The following SLC30A3 variants were observed in gnomAD, a reference collection of about 807,000 sequenced individuals.
The protein encoded by SLC30A3 is probable proton-coupled zinc antiporter SLC30A3.
In SLC30A3, 20 loss-of-function variants were observed where a neutral mutation model predicts 35.6. The ratio of observed to expected loss-of-function variants is 0.56; its 90% CI spans 0.39 to 0.82. SLC30A3 has a LOEUF of 0.82. Among genes scored for constraint, SLC30A3 ranks in the 40% least tolerant of loss-of-function variants. SLC30A3 has a pLI of 0.00. For synonymous variants in SLC30A3, 217 were observed against 224.7 expected, an observed-to-expected ratio of 0.97 and a Z score of 0.31; for missense variants, 401 against 530.6, an observed-to-expected ratio of 0.76 and a Z score of 2.40.
At chr2:27,275,094 G>A in intron 1 of SLC30A3, 1 of 920,658 alleles carries the variant, frequency 1.1e-6, no homozygotes. Flanking sequence ...GGAAGAGAAG[G>A]AGGGACCAAG....
Position 27,273,589 on chromosome 2 carries a change from T to G in SLC30A3, c.-159+1588A>C, listed in dbSNP as rs1324043550. Reference sequence around the variant, plus strand: ...AAAAATTATCAGCTTCAGCTTCTTTTTAAGTGAGTGACCTCTAAACTCATC... The same window carrying G: ...AAAAATTATCAGCTTCAGCTTCTTTGTAAGTGAGTGACCTCTAAACTCATC... On this transcript the variant is annotated intron_variant, in intron 1 of 5. Transcript: ENST00000424577. Among the ~76,000 whole-genome samples the G allele has an allele frequency of 2.0e-5, 3 of 150,898 alleles. 1 individual carries two copies. The highest frequency in any genetic ancestry group is 2.0e-4 in the Admixed American group (3 of 15,142).
chr2:27,262,752 A>G lies in SLC30A3; in HGVS notation c.95+60T>C. Reference sequence around the variant, plus strand: ...GGCCCGCGCCGAGAGAGACAACGAAATGGACGGAGGGTAGTAGGGTGGCGC... The same window carrying G: ...GGCCCGCGCCGAGAGAGACAACGAAGTGGACGGAGGGTAGTAGGGTGGCGC... On this transcript the variant is annotated intron_variant, in intron 1 of 7. Transcript: ENST00000233535. This position sits in a 1 kb window ranked among gnomAD's most constrained non-coding sequence, Gnocchi z 7.5. 1.4e-6 allele frequency: 2 copies of G among 1,428,066 alleles called. No individual in the cohort carries two copies. The highest frequency in any genetic ancestry group is 1.8e-6 in the Non-Finnish European group (2 of 1,088,580). The allele number at this position is 1,428,066 out of a possible 1,614,324, so 88.5% of individuals were successfully genotyped here.
rs750239704 is a variant in SLC30A3 at position 27,255,178 on chromosome 2, A to G, written c.*134T>C. 3.1e-6 allele frequency: 5 copies of G among 1,592,912 alleles called. 1 individual carries two copies. The South Asian group carries it at 5.6e-5, about 18-fold the overall frequency. On this transcript the variant is annotated 3_prime_UTR_variant, in exon 8 of 8. Transcript: ENST00000233535. The surrounding 1 kb of genome is among the most constrained non-coding windows in gnomAD (Gnocchi z 5.2). The stretch of plus-strand genomic sequence containing the variant: ...TGGGGCTGGGGCTGAGGCTGGGGAA[A>G]CTGGCAGGTGGTAGGAGGGAGAGAG...
rs138075294 is a variant in SLC30A3, at chr2:27,255,359, G to A, written c.1120C>T (p.Pro374Ser). 238 of 1,614,208 alleles carry A rather than the reference G, an allele frequency of 1.5e-4. No individual in the cohort carries two copies. The highest frequency in any genetic ancestry group is 8.6e-4 in the South Asian group (78 of 91,084). The change falls in exon 8 of 8, where the codon CCG (proline) becomes TCG (serine). Residue 374 changes from proline (P) to serine (S), a missense_variant. Pro to Ser is a moderately conservative substitution (Grantham distance 74, BLOSUM62 -1). Coordinates refer to ENST00000233535, the MANE Select transcript of SLC30A3 (RefSeq NM_003459.5). The surrounding 1 kb of genome is among the most constrained non-coding windows in gnomAD (Gnocchi z 5.2). ...SCTLQVEQYQPEMAQCLRCQE... is the reference protein window; with the variant it reads ...SCTLQVEQYQSEMAQCLRCQE... ...CAGCGCAGGCACTGGGCCATCTCCG[G>A]CTGATACTGCTCGACCTGCAGGGTG...
rs921666326 is a variant in SLC30A3 at position 27,253,876 on chromosome 2, A to C, written c.*1436T>G. On this transcript the variant is annotated 3_prime_UTR_variant, in exon 8 of 8. Coordinates refer to ENST00000233535, the MANE Select transcript of SLC30A3 (RefSeq NM_003459.5). Reference sequence around the variant, plus strand: ...AGACAGGGGTTTCCCTAGGTTGCCCAGGCTGGTCTTGAACTCCTGGGCTCA... The same window carrying C: ...AGACAGGGGTTTCCCTAGGTTGCCCCGGCTGGTCTTGAACTCCTGGGCTCA... The C allele has an allele frequency of 1.3e-5, 2 of 152,128 alleles. No individual in the cohort carries two copies. Among genetic ancestry groups the C allele is most frequent in the African/African-American group, 4.8e-5 (2 of 41,382 alleles). The allele number at this position is 152,128 out of a possible 1,614,324, so 9.4% of individuals were successfully genotyped here.
At position 27,256,802 on chromosome 2, in the gene SLC30A3, C is replaced by G. The variant is rs140355561; in HGVS notation, c.869G>C (p.Arg290Pro). The G allele has an allele frequency of 1.0e-5, 16 of 1,602,626 alleles. No individual in the cohort carries two copies. The highest frequency in any genetic ancestry group is 2.7e-5 in the African/African-American group (2 of 73,814). Residue 290 changes from arginine to proline, a missense_variant, in exon 6 of 8, where the codon CGA (arginine) becomes CCA (proline). Physicochemically the swap from Arg to Pro is moderately radical, Grantham distance 103. Transcript: ENST00000233535. ...STAPTLRDVLRILMEGTPRNV... is the reference protein window; with the variant it reads ...STAPTLRDVLPILMEGTPRNV... ...GCCCGACTCACCTTCCATGAGGATT[C>G]GAAGAACGTCTCGGAGGGTGGGAGC...
At chr2:27,273,742 T>A (rs1284916154) in intron 1 of SLC30A3, among the ~76,000 whole-genome samples, 2 of 151,678 alleles carry the variant, frequency 1.3e-5, no homozygotes, top group Non-Finnish European at 2.9e-5. Context: ...GATGGACTCC[T>A]TAGTTCGTTT....
intron 1 of SLC30A3, among the ~76,000 whole-genome samples, chr2:27,274,693 GAA>G (rs140601607): frequency 1.4e-5 from 2 of 146,986 alleles, no homozygotes; most frequent in African/African-American, 5.0e-5. Context: ...AAAGAAAAAA[GAA>G]AAAAAAAATC....
intron 1 of SLC30A3, chr2:27,259,178 G>A (rs933888593): frequency 4.8e-6 from 2 of 418,316 alleles, no homozygotes; most frequent in African/African-American, 4.1e-5. Flanking sequence ...GCACCTTACA[G>A]ACGGTCTAGT....
chr2:27,268,626 G>A (rs1256185936), intron 1 of SLC30A3, among the ~76,000 whole-genome samples: 2 of 152,158 alleles, frequency 1.3e-5, no homozygotes, highest in East Asian at 1.9e-4. Context: ...GGTGGCGGGC[G>A]CCTGTGGTCC....
At chr2:27,265,377 C>T (rs1677457535), upstream of SLC30A3, among the ~76,000 whole-genome samples, 1 of 152,250 alleles carries the variant, frequency 6.6e-6, no homozygotes, top group Admixed American at 6.5e-5. This position sits in a 1 kb window ranked among gnomAD's most constrained non-coding sequence, Gnocchi z 5.9. Flanking sequence ...GGCGGCGAAA[C>T]AGGATGCTTC....
intron 1 of SLC30A3, among the ~76,000 whole-genome samples, chr2:27,268,722 C>CA (rs760800564): frequency 0.014 from 1,379 of 99,734 alleles, 15 homozygotes; most frequent in African/African-American, 0.037. Flanking sequence ...GACTCTGTCT[C>CA]AAAAAAAAAA....
In SLC30A3 at chr2:27,271,546, G is replaced by A. The variant is rs529163417; in HGVS notation, c.-159+3631C>T. ...AATGGCACAGGTTTTTATAGAAGAG[G>A]AAAAATAGACTCAGAGATGAAATGA... On this transcript the variant is annotated intron_variant, in intron 1 of 5. Transcript: ENST00000424577. The surrounding 1 kb of genome is among the most constrained non-coding windows in gnomAD (Gnocchi z 4.3). Among the ~76,000 whole-genome samples, 7 of 152,306 alleles carry A rather than the reference G, an allele frequency of 4.6e-5. No individual in the cohort carries two copies. The East Asian group carries it at 1.2e-3, about 25-fold the overall frequency.
At position 27,255,527 on chromosome 2, in the gene SLC30A3, G is replaced by A. The variant is rs1676800322; in HGVS notation, c.1019-67C>T. 2 of 1,564,028 alleles carry A rather than the reference G, an allele frequency of 1.3e-6. No homozygotes were observed. The highest frequency in any genetic ancestry group is 1.3e-5 in the African/African-American group (1 of 74,330). On this transcript the variant is annotated intron_variant, in intron 7 of 7. Transcript: ENST00000233535. The surrounding 1 kb of genome is among the most constrained non-coding windows in gnomAD (Gnocchi z 5.2). ...AAAGAACAGGCAGGGACTGAGATAA[G>A]GACAGGGAAAGGGGCTGCACAGCAT...
intron 1 of SLC30A3, among the ~76,000 whole-genome samples, chr2:27,272,718 G>A (rs541420814): frequency 1.4e-3 from 205 of 151,596 alleles, no homozygotes; most frequent in South Asian, 2.7e-3. Flanking sequence ...GAGCCACTGC[G>A]CCTGGCCAAC....
intron 1 of SLC30A3, among the ~76,000 whole-genome samples, chr2:27,261,119 T>A (rs1558561865): frequency 6.6e-6 from 1 of 152,164 alleles, no homozygotes; most frequent in Non-Finnish European, 1.5e-5. Context: ...GAGAAGGGTG[T>A]TCCAGACATG....
chr2:27,275,392 C>A (rs867840608), upstream of SLC30A3: 2 of 402,450 alleles, frequency 5.0e-6, no homozygotes, highest in Admixed American at 3.4e-5. Context: ...GCCAATGTGG[C>A]CTCCCCACCC....
In SLC30A3 at chr2:27,256,774, G is replaced by A; in HGVS notation, c.883+14C>T. ...GAGGGCCACAGGGATGGGGAGCTGT[G>A]GTGCCCGACTCACCTTCCATGAGGA... On this transcript the variant is annotated intron_variant, in intron 6 of 7. Transcript: ENST00000233535. The A allele has an allele frequency of 6.4e-7, 1 of 1,569,792 alleles. No individual in the cohort carries two copies. Among genetic ancestry groups the A allele is most frequent in the Non-Finnish European group, 8.7e-7 (1 of 1,148,876 alleles).
chr2:27,268,170 T>TGTACA (rs1677574961), intron 1 of SLC30A3, among the ~76,000 whole-genome samples: 1 of 152,210 alleles, frequency 6.6e-6, no homozygotes, highest in South Asian at 2.1e-4. Context: ...TGTTCTGTAC[T>TGTACA]GTACAGTACT....
Sources: allele counts gnomAD v4.1 joint callset (sites outside exome capture counted in the v4.1 genomes callset), GRCh38; gene constraint gnomAD v4.1.1; non-coding constraint Gnocchi (gnomAD v3.1); transcripts MANE v1.5; gene names NCBI Gene and HGNC (gene_info 2026-07-23, HGNC 2026-07-21).